NPLOC4: variants seen among roughly 807,000 people sequenced by gnomAD.
NPLOC4 encodes nuclear protein localization protein 4 homolog.
Under a neutral mutation model 80.6 loss-of-function variants are expected in NPLOC4, and 18 were observed. That is an observed-to-expected ratio of 0.22 (90% CI 0.15 to 0.33). The LOEUF (loss-of-function observed/expected upper bound fraction) is 0.33, where lower values mean the gene tolerates loss of function less well. Ranked by LOEUF, NPLOC4 falls within the 10% of genes least tolerant of loss-of-function variation. The pLI is 1.00. For synonymous variants in NPLOC4, 313 were observed against 301.5 expected (o/e 1.04, Z -0.39); for missense variants, 540 against 786.1 (o/e 0.69, Z 3.74).
At chr17:81,575,507 G>A (rs1320931983) in intron 12 of NPLOC4, among the ~76,000 whole-genome samples, 1 of 152,246 alleles carries the variant, frequency 6.6e-6, no homozygotes, top group Non-Finnish European at 1.5e-5. Context: ...CCAGCTGTGT[G>A]CACAGAGCCA....
intron 6 of NPLOC4, 48 bp from the exon 7 acceptor site, chr17:81,606,862 G>A: frequency 6.4e-7 from 1 of 1,569,330 alleles, no homozygotes; most frequent in Non-Finnish European, 8.7e-7. Context: ...GAAAAGTTGA[G>A]CAAGAGGCTG....
At chr17:81,579,957 C>G (rs1413713082) in intron 12 of NPLOC4, among the ~76,000 whole-genome samples, 1 of 152,098 alleles carries the variant, frequency 6.6e-6, no homozygotes, top group Non-Finnish European at 1.5e-5. Flanking sequence ...CTCAGCCAGG[C>G]TCATCAAAGC....
intron 12 of NPLOC4, among the ~76,000 whole-genome samples, chr17:81,583,782 G>A (rs896362924): frequency 2.0e-5 from 3 of 152,164 alleles, no homozygotes; most frequent in South Asian, 4.1e-4. Context: ...CCTCCCTCCT[G>A]AAGGACAGTC....
chr17:81,607,934 C>A (rs191695492), intron 6 of NPLOC4, among the ~76,000 whole-genome samples: 75 of 152,348 alleles, frequency 4.9e-4, no homozygotes, highest in Non-Finnish European at 2.9e-5. Context: ...CCTCGTTGCA[C>A]TGACAGGAAT....
intron 11 of NPLOC4, among the ~76,000 whole-genome samples, chr17:81,595,443 AC>A (rs1460368131): frequency 7.3e-6 from 1 of 136,654 alleles, no homozygotes; most frequent in African/African-American, 2.8e-5. Flanking sequence ...AAAAAAAAAA[AC>A]CCGTTTTGCT....
At chr17:81,585,776 TAGG>T (rs2034568144) in intron 12 of NPLOC4, among the ~76,000 whole-genome samples, 1 of 151,078 alleles carries the variant, frequency 6.6e-6, no homozygotes, top group Non-Finnish European at 1.5e-5. Flanking sequence ...TGCTTGAGCC[TAGG>T]AGTTCAAGAC....
At position 81,559,131 on chromosome 17, in the gene NPLOC4, G is replaced by C; in HGVS notation, c.*128C>G. 1.8e-6 allele frequency: 2 copies of C among 1,106,334 alleles called. No individual in the cohort carries two copies. The highest frequency in any genetic ancestry group is 2.5e-6 in the Non-Finnish European group (2 of 799,416). The allele number at this position is 1,106,334 out of a possible 1,614,324, so 68.5% of individuals were successfully genotyped here. On this transcript the variant is annotated 3_prime_UTR_variant, in exon 17 of 17. Coordinates refer to ENST00000331134, the MANE Select transcript of NPLOC4 (RefSeq NM_017921.4). ...AGCTTCAGTGGGTCAGGGAGCCCAGGACAGCCAGCCCCTTGTTCCTCCAGG... is the reference window on the plus strand; with the variant it reads ...AGCTTCAGTGGGTCAGGGAGCCCAGCACAGCCAGCCCCTTGTTCCTCCAGG...
intron 7 of NPLOC4, among the ~76,000 whole-genome samples, chr17:81,605,994 G>T (rs2144223224): frequency 6.6e-6 from 1 of 151,930 alleles, no homozygotes; most frequent in African/African-American, 2.4e-5. Context: ...CTAATTTTTT[G>T]TATTTTTAGT....
At position 81,636,321 on chromosome 17, in the gene NPLOC4, C is replaced by T. The variant is rs148129514; in HGVS notation, c.15+595G>A. 5.7e-3 allele frequency: 865 copies of T among 152,310 alleles called. 7 individuals carry two copies. Among genetic ancestry groups the T allele is most frequent in the Middle Eastern group, 0.041 (12 of 294 alleles). 9.4% of individuals were successfully genotyped at this position (152,310 alleles called of 1,614,324 possible). Reference sequence around the variant, plus strand: ...TGAAATCAACATCATTTACAACATTCCTTTTAAAGAGGAATTGTCAAGTTG... The same window carrying T: ...TGAAATCAACATCATTTACAACATTTCTTTTAAAGAGGAATTGTCAAGTTG... On this transcript the variant is annotated intron_variant, in intron 1 of 16. Coordinates refer to ENST00000331134, the MANE Select transcript of NPLOC4 (RefSeq NM_017921.4).
rs1207236770 is a variant in NPLOC4, at chr17:81,580,510, C to T, written c.1282-8422G>A. The stretch of plus-strand genomic sequence containing the variant: ...CCATAGATTCAGCTTCCAAGGGCCC[C>T]TCCCACCTCTACCCCAGCAGGCCAC... On this transcript the variant is annotated intron_variant, in intron 12 of 16. Coordinates refer to ENST00000331134, the MANE Select transcript of NPLOC4 (RefSeq NM_017921.4). This position sits in a 1 kb window ranked among gnomAD's most constrained non-coding sequence, Gnocchi z 4.4. Among the ~76,000 whole-genome samples, 1 of 152,204 alleles carries T rather than the reference C, an allele frequency of 6.6e-6. No individual in the cohort carries two copies. The highest frequency in any genetic ancestry group is 1.9e-4 in the East Asian group (1 of 5,196).
intron 3 of NPLOC4, among the ~76,000 whole-genome samples, chr17:81,616,160 T>TAA (rs778399557): frequency 7.1e-6 from 1 of 141,036 alleles, no homozygotes; most frequent in East Asian, 2.1e-4. Context: ...CTGCTAAAAA[T>TAA]AAAAAAAAAA....
In NPLOC4 at chr17:81,574,792, C is replaced by T. The variant is rs917922472; in HGVS notation, c.1282-2704G>A. 6.8e-4 allele frequency among the ~76,000 whole-genome samples: 103 copies of T among 152,046 alleles called. 3 individuals carry two copies. The highest frequency in any genetic ancestry group is 3.1e-4 in the Non-Finnish European group (21 of 67,986). On this transcript the variant is annotated intron_variant, in intron 12 of 16. Coordinates refer to ENST00000331134, the MANE Select transcript of NPLOC4 (RefSeq NM_017921.4). ...GCTTTGGGAGGCCGAGGTGGGCAGA[C>T]GGCTTGAGGTCGGGAGTTTGAGACC...
chr17:81,629,262 G>A (rs1233075360), intron 2 of NPLOC4, among the ~76,000 whole-genome samples: 4 of 142,756 alleles, frequency 2.8e-5, no homozygotes, highest in South Asian at 4.3e-4. Flanking sequence ...GCACCACCTC[G>A]ACTCACTGTA....
chr17:81,599,147 G>A lies in NPLOC4; in HGVS notation c.921+1194C>T, dbSNP rs555827178. On this transcript the variant is annotated intron_variant, in intron 9 of 16. Transcript: ENST00000331134. ...CTATTAAAAATACAAAAATTAACTG[G>A]GCGTTGTGGCGGGTGCCTGTAATCC... Among the ~76,000 whole-genome samples, 250 of 152,200 alleles carry A rather than the reference G, an allele frequency of 1.6e-3. 1 individual carries two copies. The highest frequency in any genetic ancestry group is 5.1e-3 in the African/African-American group (211 of 41,520).
chr17:81,605,644 T>C (rs2035182385), intron 7 of NPLOC4, among the ~76,000 whole-genome samples: 1 of 144,740 alleles, frequency 6.9e-6, no homozygotes, highest in South Asian at 2.2e-4. Context: ...TGAGACTCTG[T>C]CTCAAAAAAA....
At chr17:81,605,154 G>A (rs1044037095) in intron 7 of NPLOC4, among the ~76,000 whole-genome samples, 3 of 151,738 alleles carry the variant, frequency 2.0e-5, no homozygotes, top group Admixed American at 6.6e-5. Flanking sequence ...GGTGGCGGGC[G>A]CCTGTAGTCT....
chr17:81,606,607 T>C (rs2035210388), intron 7 of NPLOC4, 84 bp downstream of exon 7: 3 of 1,461,168 alleles, frequency 2.1e-6, no homozygotes, highest in Admixed American at 3.8e-5. Context: ...ATAGTGCTAA[T>C]AGCATTCCAC....
intron 2 of NPLOC4, among the ~76,000 whole-genome samples, chr17:81,623,753 G>A (rs142541666): frequency 0.013 from 1,891 of 148,232 alleles, 142 homozygotes; most frequent in Admixed American, 0.11. Context: ...AGCCGAGATC[G>A]CGCCACTGCA....
At position 81,633,351 on chromosome 17, in the gene NPLOC4, T is replaced by C. The variant is rs144456941; in HGVS notation, c.16-3546A>G. ...AACATGTGAATGTTCCTTCAAACGA[T>C]GACTCTGGAACAAGAGCATGTTACC... On this transcript the variant is annotated intron_variant, in intron 1 of 16. Transcript: ENST00000331134. Among the ~76,000 whole-genome samples, 706 of 152,298 alleles carry C rather than the reference T, an allele frequency of 4.6e-3. 2 individuals carry two copies. The highest frequency in any genetic ancestry group is 0.016 in the African/African-American group (670 of 41,566).
Sources: allele counts gnomAD v4.1 joint callset (sites outside exome capture counted in the v4.1 genomes callset), GRCh38; gene constraint gnomAD v4.1.1; non-coding constraint Gnocchi (gnomAD v3.1); transcripts MANE v1.5; gene names NCBI Gene and HGNC (gene_info 2026-07-23, HGNC 2026-07-21).